Variants in B3GALT1 observed in about 807,000 individuals in gnomAD.
B3GALT1 encodes the protein beta-1,3-galactosyltransferase 1, also known as UDP-Gal:betaGlcNAc beta 1,3-galactosyltransferase, polypeptide 1.
Under a neutral mutation model 23.2 loss-of-function variants are expected in B3GALT1, and 10 were observed. The observed-to-expected ratio is 0.43, with a 90% confidence interval of 0.27 to 0.73. B3GALT1 has a LOEUF of 0.73. Among genes scored for constraint, B3GALT1 ranks in the 30% least tolerant of loss-of-function variants. The pLI, the probability that B3GALT1 is intolerant of heterozygous loss-of-function variation, is 0.21. For synonymous variants in B3GALT1, 156 were observed against 141.5 expected (o/e 1.10, Z -0.73); for missense variants, 299 against 405.4 (o/e 0.74, Z 2.25).
intron 2 of B3GALT1, among the ~76,000 whole-genome samples, chr2:167,614,593 G>A (rs935226971): frequency 3.3e-5 from 5 of 151,910 alleles, no homozygotes; most frequent in Admixed American, 6.6e-5. Context: ...TTGAATATAA[G>A]ATAAATGCAA....
chr2:167,562,993 A>C (rs1385521056), intron 2 of B3GALT1, among the ~76,000 whole-genome samples: 2 of 152,178 alleles, frequency 1.3e-5, no homozygotes, highest in African/African-American at 2.4e-5. Flanking sequence ...CAGGATCCCA[A>C]GGCAGAAGAA....
intron 2 of B3GALT1, among the ~76,000 whole-genome samples, chr2:167,641,648 G>A (rs566220016): frequency 1.3e-5 from 2 of 152,070 alleles, no homozygotes; most frequent in Admixed American, 6.6e-5. Context: ...TTCTTAAAGC[G>A]CTGTCTTTTC....
At chr2:167,312,394 G>A (rs1412218517) in intron 1 of B3GALT1, among the ~76,000 whole-genome samples, 3 of 152,106 alleles carry the variant, frequency 2.0e-5, no homozygotes, top group Non-Finnish European at 2.9e-5. Flanking sequence ...GAACAAGGAC[G>A]TAAGACTTTG....
intron 3 of B3GALT1, among the ~76,000 whole-genome samples, chr2:167,710,032 C>T (rs1042260348): frequency 6.6e-6 from 1 of 152,064 alleles, no homozygotes; most frequent in South Asian, 2.1e-4. Context: ...ACCCAGCACA[C>T]TGGGTACCCA....
At chr2:167,572,147 A>C (rs547470933) in intron 2 of B3GALT1, among the ~76,000 whole-genome samples, 1 of 151,928 alleles carries the variant, frequency 6.6e-6, no homozygotes, top group East Asian at 1.9e-4. Context: ...GAAGAACAAT[A>C]ATTAAAATGA....
At chr2:167,441,848 C>G (rs1452390420) in intron 1 of B3GALT1, among the ~76,000 whole-genome samples, 1 of 151,448 alleles carries the variant, frequency 6.6e-6, no homozygotes, top group Non-Finnish European at 1.5e-5. Context: ...GACAGCATAG[C>G]AAGATCCCAT....
chr2:167,676,680 G>T (rs1217318626), intron 3 of B3GALT1, among the ~76,000 whole-genome samples: 1 of 152,012 alleles, frequency 6.6e-6, no homozygotes, highest in Non-Finnish European at 1.5e-5. Context: ...TCCTGTCCCA[G>T]CCTCCCAAGT....
intron 3 of B3GALT1, among the ~76,000 whole-genome samples, chr2:167,762,918 A>G (rs1242317663): frequency 6.6e-6 from 1 of 152,242 alleles, no homozygotes; most frequent in Non-Finnish European, 1.5e-5. Flanking sequence ...TTTAGAGCAC[A>G]AAAAGAATTC....
intron 1 of B3GALT1, among the ~76,000 whole-genome samples, chr2:167,357,030 G>GTGTGTA (rs1344180992): frequency 1.3e-5 from 2 of 151,170 alleles, no homozygotes; most frequent in South Asian, 4.2e-4. Context: ...GTGTGTGTGT[G>GTGTGTA]TATATATATA....
chr2:167,807,814 G>A (rs1365201392), intron 3 of B3GALT1, among the ~76,000 whole-genome samples: 1 of 152,200 alleles, frequency 6.6e-6, no homozygotes, highest in Non-Finnish European at 1.5e-5. Context: ...AGAGAGTTCT[G>A]TAGATATCTA....
At chr2:167,390,347 C>T (rs1418776586) in intron 1 of B3GALT1, among the ~76,000 whole-genome samples, 1 of 152,124 alleles carries the variant, frequency 6.6e-6, no homozygotes, top group African/African-American at 2.4e-5. Flanking sequence ...TGAGTTTGTT[C>T]TCACCTGCCA....
rs10522850 is a variant in B3GALT1, at chr2:167,625,942, CATATAT to C, written c.-409-20928_-409-20923del. ...ATGACAGAAAAATCAATGACTAGGC[CATATAT>C]ATATATATATATATATATATATATA... On this transcript the variant is annotated intron_variant, in intron 2 of 4. Transcript: ENST00000392690. Among the ~76,000 whole-genome samples the C allele has an allele frequency of 1.9e-3, 219 of 118,364 alleles. 3 individuals carry two copies. Among genetic ancestry groups the C allele is most frequent in the African/African-American group, 4.3e-3 (120 of 27,628 alleles). 77.7% of individuals were successfully genotyped at this position (118,364 alleles called of 152,430 possible). A position where few individuals can be genotyped will look rare whatever the true frequency, so the allele number is the denominator to read the frequency against.
At chr2:167,416,943 T>A (rs1698480696) in intron 1 of B3GALT1, among the ~76,000 whole-genome samples, 2 of 152,224 alleles carry the variant, frequency 1.3e-5, no homozygotes, top group Admixed American at 6.5e-5. Flanking sequence ...ACTATTATTG[T>A]ATCTTGAAAG....
intron 3 of B3GALT1, among the ~76,000 whole-genome samples, chr2:167,733,618 A>T (rs1687444430): frequency 6.6e-6 from 1 of 152,216 alleles, no homozygotes; most frequent in Admixed American, 6.5e-5. Flanking sequence ...TAAAACACAT[A>T]GCTCTATTTT....
chr2:167,821,355 G>A (rs559670557), intron 4 of B3GALT1, among the ~76,000 whole-genome samples: 9 of 150,374 alleles, frequency 6.0e-5, no homozygotes, highest in Admixed American at 3.3e-4. Flanking sequence ...AAAGCAAATT[G>A]CACGATATCC....
At chr2:167,866,190 G>A (rs1416955290) in intron 4 of B3GALT1, among the ~76,000 whole-genome samples, 2 of 152,178 alleles carry the variant, frequency 1.3e-5, no homozygotes, top group Admixed American at 1.3e-4. Context: ...CTCATTGTTT[G>A]ACTCTGGCAT....
chr2:167,364,161 C>T (rs1697546750), intron 1 of B3GALT1, among the ~76,000 whole-genome samples: 1 of 31,468 alleles, frequency 3.2e-5, no homozygotes, highest in Non-Finnish European at 7.3e-5. Context: ...GGGACTCCAT[C>T]TCAAAAAAAA....
intron 2 of B3GALT1, among the ~76,000 whole-genome samples, chr2:167,619,101 A>G (rs1033400389): frequency 1.3e-5 from 2 of 152,008 alleles, no homozygotes; most frequent in African/African-American, 2.4e-5. Flanking sequence ...CAATACATTT[A>G]TTAGTTGGCA....
chr2:167,354,267 A>G (rs1697364334), intron 1 of B3GALT1, among the ~76,000 whole-genome samples: 1 of 152,038 alleles, frequency 6.6e-6, no homozygotes, highest in South Asian at 2.1e-4. Context: ...GTTATTACTA[A>G]CTTTTCTTAT....
Sources: allele counts gnomAD v4.1 joint callset (sites outside exome capture counted in the v4.1 genomes callset), GRCh38; gene constraint gnomAD v4.1.1; transcripts MANE v1.5; gene names NCBI Gene and HGNC (gene_info 2026-07-23, HGNC 2026-07-21).